Variants in XG observed in about 807,000 individuals in gnomAD.
The protein encoded by XG is glycoprotein Xg.
A neutral mutation model predicts 25.7 loss-of-function variants in XG; 24 were observed. The observed-to-expected ratio is 0.93, with a 90% CI of 0.68 to 1.31. XG has a LOEUF of 1.31. XG is among the 40% of genes most tolerant of loss of function. The pLI is 0.00. For missense variants in XG, 181 were observed against 187.6 expected (o/e 0.96, Z 0.21); for synonymous variants, 77 against 69.2 (o/e 1.11, Z -0.56).
intron 5 of XG, 50 bp from the exon 6 acceptor site, chrX:2,794,485 G>T: frequency 8.5e-7 from 1 of 1,181,900 alleles, no homozygotes. Context: ...TGGTGTGAAG[G>T]GGACCTTTGG....
At chrX:2,785,854 C>T (rs1043837684) in intron 4 of XG, among the ~76,000 whole-genome samples, 4 of 111,260 alleles carry the variant, frequency 3.6e-5, no homozygotes, top group South Asian at 3.8e-4. Flanking sequence ...TGGAACAATC[C>T]CTCAGACAAC....
Position 2,806,732 on chromosome X carries a change from T to C in XG, c.405T>C (p.Tyr135=). The change falls in exon 8 of 11, where the codon TAT becomes TAC. Residue 135 remains tyrosine (Y), a synonymous_variant. Transcript: ENST00000644266. The part of the protein sequence containing the change: ...GRGGYRLNSR[Y]GNTYGGDHHS... Reference sequence around the variant, plus strand: ...GGGGCTATAGACTCAACTCTCGTTATGGAAATACTTATGGTAAAGGAATTA... The same window carrying C: ...GGGGCTATAGACTCAACTCTCGTTACGGAAATACTTATGGTAAAGGAATTA... 3 of 1,147,393 alleles carry C rather than the reference T, an allele frequency of 2.6e-6. No individual in the cohort carries two copies. Among genetic ancestry groups the C allele is most frequent in the Non-Finnish European group, 3.5e-6 (3 of 859,602 alleles). 94.6% of individuals were successfully genotyped at this position (1,147,393 alleles called of 1,213,427 possible).
At position 2,778,804 on chromosome X, in the gene XG, C is replaced by T. The variant is rs551410878; in HGVS notation, c.128-3262C>T. On this transcript the variant is annotated intron_variant, in intron 3 of 10. Coordinates refer to ENST00000644266, the MANE Select transcript of XG (RefSeq NM_001141919.2). The stretch of plus-strand genomic sequence containing the variant: ...TTTTTTTTTTTTTGAGATGGAGTCT[C>T]GCTCTGTCACCCAGGCTGCAGTGCA... Among the ~76,000 whole-genome samples the T allele has an allele frequency of 4.2e-4, 62 of 149,340 alleles. 1 individual carries two copies. The highest frequency in any genetic ancestry group is 1.4e-3 in the African/African-American group (57 of 40,474).
intron 3 of XG, among the ~76,000 whole-genome samples, chrX:2,776,007 G>T (rs1302115775): frequency 6.6e-6 from 1 of 151,354 alleles, no homozygotes; most frequent in Admixed American, 6.6e-5. Flanking sequence ...ATAATTCCCG[G>T]GGCCGGGCGC....
intron 1 of XG, among the ~76,000 whole-genome samples, chrX:2,768,826 G>A (rs1199939342): frequency 6.6e-6 from 1 of 152,188 alleles, no homozygotes; most frequent in Admixed American, 6.5e-5. Flanking sequence ...AGAGCTGGAT[G>A]GAGCAAAGAT....
chrX:2,786,260 CTTT>C (rs1179667048), intron 4 of XG, among the ~76,000 whole-genome samples: 1 of 60,570 alleles, frequency 1.7e-5, no homozygotes, highest in Non-Finnish European at 2.9e-5. Context: ...TCCATGTTGT[CTTT>C]TTTTTTTTTT....
At chrX:2,799,711 G>C (rs769524844) in intron 7 of XG, among the ~76,000 whole-genome samples, 1 of 111,539 alleles carries the variant, frequency 9.0e-6, no homozygotes, top group South Asian at 3.8e-4. Context: ...TGGGGGAGAC[G>C]TGTAGCTTTT....
chrX:2,771,172 C>T (rs2050810139), intron 2 of XG, among the ~76,000 whole-genome samples: 1 of 152,038 alleles, frequency 6.6e-6, no homozygotes, highest in East Asian at 1.9e-4. Context: ...GCTTTTCTTA[C>T]ACTTCAGTTC....
chrX:2,752,918 G>A, intron 1 of XG: 1 of 985,388 alleles, frequency 1.0e-6, no homozygotes, highest in Middle Eastern at 5.2e-4. Flanking sequence ...CCAGATCCAA[G>A]ATTAGATTTT....
At chrX:2,756,963 A>G (rs2050449142) in intron 1 of XG, among the ~76,000 whole-genome samples, 1 of 152,124 alleles carries the variant, frequency 6.6e-6, no homozygotes, top group Non-Finnish European at 1.5e-5. Context: ...CCGTCTTGGT[A>G]CCCGGGTTCT....
intron 1 of XG, among the ~76,000 whole-genome samples, chrX:2,767,595 G>A (rs1397060693): frequency 1.3e-5 from 2 of 152,114 alleles, no homozygotes; most frequent in Non-Finnish European, 2.9e-5. Context: ...TGTGCAACCC[G>A]ACCTTGGAGA....
rs2086864568 is a variant in XG, at chrX:2,794,440, C to T, written c.254-95C>T. 10 of 988,786 alleles carry T rather than the reference C, an allele frequency of 1.0e-5. No homozygotes were observed. In the South Asian group the frequency reaches 2.2e-4, roughly 22 times the overall value. 81.5% of individuals were successfully genotyped at this position (988,786 alleles called of 1,213,427 possible). A position where few individuals can be genotyped will look rare whatever the true frequency, so the allele number is the denominator to read the frequency against. On this transcript the variant is annotated intron_variant, in intron 5 of 10. Coordinates refer to ENST00000644266, the MANE Select transcript of XG (RefSeq NM_001141919.2). The stretch of plus-strand genomic sequence containing the variant: ...AGCCAGTTGGCGTCGGAACGCTCTT[C>T]TCCAAAACCTGTGCCAGTGCCCCCA...
intron 4 of XG, among the ~76,000 whole-genome samples, chrX:2,787,439 C>T (rs188562991): frequency 3.1e-3 from 346 of 111,056 alleles, no homozygotes; most frequent in African/African-American, 0.011. Flanking sequence ...GGAGGACTGA[C>T]CTTACAGTGA....
At chrX:2,754,736 C>A (rs760225402) in intron 1 of XG, among the ~76,000 whole-genome samples, 137 of 152,276 alleles carry the variant, frequency 9.0e-4, no homozygotes, top group African/African-American at 3.1e-3. Flanking sequence ...GGCCAGAAGA[C>A]TAGGCCAGTG....
At chrX:2,752,718 C>T (rs1297069558) in intron 1 of XG, among the ~76,000 whole-genome samples, 3 of 152,150 alleles carry the variant, frequency 2.0e-5, no homozygotes, top group Non-Finnish European at 2.9e-5. Flanking sequence ...TGACCATTTC[C>T]ATACAGTAAA....
intron 3 of XG, among the ~76,000 whole-genome samples, chrX:2,781,089 G>A (rs937145623): frequency 6.6e-6 from 1 of 151,892 alleles, no homozygotes; most frequent in African/African-American, 2.4e-5. Context: ...ACTAACACAG[G>A]CCCCCACAAC....
intron 7 of XG, among the ~76,000 whole-genome samples, chrX:2,803,533 ATAATTT>A: frequency 9.1e-6 from 1 of 110,259 alleles, no homozygotes; most frequent in Middle Eastern, 4.6e-3. Flanking sequence ...GTTTTTAAAG[ATAATTT>A]GGCGGGTAGG....
chrX:2,764,497 T>G (rs2050632238), intron 1 of XG, among the ~76,000 whole-genome samples: 1 of 152,132 alleles, frequency 6.6e-6, no homozygotes, highest in African/African-American at 2.4e-5. Context: ...TAGGTATTTT[T>G]TAATTGCTGA....
chrX:2,786,225 T>A (rs1368154633), intron 4 of XG, among the ~76,000 whole-genome samples: 8 of 102,364 alleles, frequency 7.8e-5, no homozygotes, highest in African/African-American at 2.8e-4. Context: ...TCACCGATTC[T>A]TTTCTCTGAC....
Sources: allele counts gnomAD v4.1 joint callset (sites outside exome capture counted in the v4.1 genomes callset), GRCh38; gene constraint gnomAD v4.1.1; transcripts MANE v1.5; gene names NCBI Gene and HGNC (gene_info 2026-07-23, HGNC 2026-07-21).